Variants in FBXL2 observed in about 807,000 individuals in gnomAD.
FBXL2 encodes the protein F-box and leucine rich repeat protein 2.
In FBXL2, 38 loss-of-function variants were observed where a neutral mutation model predicts 69.2. The observed-to-expected ratio is 0.55, with a 90% CI of 0.42 to 0.72. FBXL2 has a LOEUF of 0.72. Ranked by LOEUF, FBXL2 falls within the 30% of genes least tolerant of loss-of-function variation. The pLI is 0.00. For synonymous variants in FBXL2, 192 were observed against 201.3 expected (o/e 0.95, Z 0.39); for missense variants, 354 against 520.3 (o/e 0.68, Z 3.11).
At chr3:33,398,029 A>G (rs992518892) in intron 12 of FBXL2, 2 of 152,218 alleles carry the variant, frequency 1.3e-5, no homozygotes, top group Non-Finnish European at 2.9e-5. Flanking sequence ...AGTGGAGAGC[A>G]AGACTGACCA....
In FBXL2 at chr3:33,303,055, G is replaced by C. The variant is rs1215453469; in HGVS notation, c.65+5330G>C. ...TGGGTCTCATTGAGTAGGTCTTGTTGCCTGCTGGTTGGTTTCAGCACTCCA... is the reference window on the plus strand; with the variant it reads ...TGGGTCTCATTGAGTAGGTCTTGTTCCCTGCTGGTTGGTTTCAGCACTCCA... On this transcript the variant is annotated intron_variant, in intron 2 of 14. Transcript: ENST00000484457. 6.6e-6 allele frequency: 3 copies of C among 456,484 alleles called. No homozygotes were observed. In the Admixed American group the frequency reaches 7.0e-5, roughly 11 times the overall value. The allele number at this position is 456,484 out of a possible 1,614,324, so 28.3% of individuals were successfully genotyped here.
In FBXL2 at chr3:33,385,632, G is replaced by T; in HGVS notation, c.*24G>T. ...GACAGCAGCTGCCTGGGCCCAAGGG[G>T]TGATGAGGCATCCTTTCCTCTAGAA... On this transcript the variant is annotated 3_prime_UTR_variant, in exon 15 of 15. Transcript: ENST00000484457. The T allele has an allele frequency of 6.3e-7, 1 of 1,583,022 alleles. No individual in the cohort carries two copies. The highest frequency in any genetic ancestry group is 8.7e-7 in the Non-Finnish European group (1 of 1,151,826).
intron 5 of FBXL2, among the ~76,000 whole-genome samples, chr3:33,370,489 G>A (rs1256598839): frequency 6.6e-6 from 1 of 151,802 alleles, no homozygotes; most frequent in Non-Finnish European, 1.5e-5. Context: ...TTTAAGGATG[G>A]TGCTCCTCTG....
intron 12 of FBXL2, among the ~76,000 whole-genome samples, chr3:33,399,702 G>A (rs1414323045): frequency 6.6e-6 from 1 of 152,180 alleles, no homozygotes; most frequent in Non-Finnish European, 1.5e-5. Flanking sequence ...GATCCTTGTA[G>A]TGATGGCACA....
chr3:33,345,181 C>T (rs1260952250), intron 2 of FBXL2, among the ~76,000 whole-genome samples: 1 of 152,190 alleles, frequency 6.6e-6, no homozygotes, highest in Non-Finnish European at 1.5e-5. Flanking sequence ...CATGGTTATG[C>T]CCCCTCTGAA....
At chr3:33,286,508 CTG>C in intron 1 of FBXL2, among the ~76,000 whole-genome samples, 1 of 152,368 alleles carries the variant, frequency 6.6e-6, no homozygotes, top group Middle Eastern at 3.4e-3. Context: ...AGGAGGCAGT[CTG>C]TCTGTTCTCA....
chr3:33,384,111 C>T lies in FBXL2; in HGVS notation c.1074C>T (p.Ala358=). The change falls in exon 14 of 15, where the codon GCC becomes GCT. Residue 358 remains alanine (A), a synonymous_variant. Coordinates refer to ENST00000484457, the MANE Select transcript of FBXL2 (RefSeq NM_012157.5). ...ACTGCCTCCTCATCACTGATGTGGC[C>T]CTGGAACACCTAGAGAACTGCCGAG... is the stretch of plus-strand genomic sequence containing the variant. The part of the protein sequence containing the change: ...LDNCLLITDV[A]LEHLENCRGL... 1 of 1,614,024 alleles carries T rather than the reference C, an allele frequency of 6.2e-7. No individual in the cohort carries two copies. The highest frequency in any genetic ancestry group is 8.5e-7 in the Non-Finnish European group (1 of 1,180,010).
chr3:33,346,294 A>G (rs1300575073), intron 2 of FBXL2, among the ~76,000 whole-genome samples: 1 of 152,182 alleles, frequency 6.6e-6, no homozygotes, highest in African/African-American at 2.4e-5. Context: ...TAGAGGAAAC[A>G]GGGCAATAGA....
At chr3:33,300,449 A>G (rs1208206120) in intron 2 of FBXL2, 3 of 152,148 alleles carry the variant, frequency 2.0e-5, no homozygotes, top group Non-Finnish European at 2.9e-5. Context: ...ACTTTTCAGA[A>G]AGAATTGCCA....
intron 12 of FBXL2, among the ~76,000 whole-genome samples, 190 bp from the exon 13 acceptor site, chr3:33,378,495 G>T (rs991289971): frequency 6.6e-6 from 1 of 152,170 alleles, no homozygotes; most frequent in Non-Finnish European, 1.5e-5. Context: ...GAGAGACAAA[G>T]AACAGTTTTG....
At chr3:33,290,412 A>C (rs762214543) in intron 1 of FBXL2, among the ~76,000 whole-genome samples, 1 of 152,206 alleles carries the variant, frequency 6.6e-6, no homozygotes. Context: ...TATACAAAGA[A>C]ACAAGAAAAT....
chr3:33,392,699 TCAAA>T (rs550854343), downstream of FBXL2: 76 of 1,320,578 alleles, frequency 5.8e-5, no homozygotes, highest in Middle Eastern at 1.9e-4. Flanking sequence ...AATATTCTTC[TCAAA>T]CAAACACAGG....
chr3:33,296,514 A>G (rs187498359), intron 1 of FBXL2, among the ~76,000 whole-genome samples: 149 of 152,220 alleles, frequency 9.8e-4, no homozygotes, highest in African/African-American at 3.6e-3. Context: ...TAGCTCTTAT[A>G]TTTATTTAAG....
chr3:33,372,045 G>A (rs948564867), intron 5 of FBXL2, among the ~76,000 whole-genome samples: 10 of 152,076 alleles, frequency 6.6e-5, no homozygotes, highest in Admixed American at 3.3e-4. Context: ...TTGGGCTTTG[G>A]GTAGTTTCAT....
Position 33,359,010 on chromosome 3 carries a change from C to A in FBXL2, c.109C>A (p.Gln37Lys). Reference protein sequence around the residue: ...LDIVTLCRCAQISKAWNILAL... With the variant: ...LDIVTLCRCAKISKAWNILAL... ...TATAGTAACTTTGTGCCGATGTGCACAGATTTCCAAGGTAGAGTATTCACC... is the reference window on the plus strand; with the variant it reads ...TATAGTAACTTTGTGCCGATGTGCAAAGATTTCCAAGGTAGAGTATTCACC... The change falls in exon 3 of 15, where the codon CAG (glutamine) becomes AAG (lysine). Residue 37 changes from glutamine (Q) to lysine (K), a missense_variant. By Grantham distance (53) the Gln-to-Lys change is moderately conservative (BLOSUM62 1). Coordinates refer to ENST00000484457, the MANE Select transcript of FBXL2 (RefSeq NM_012157.5). 1 of 1,551,542 alleles carries A rather than the reference C, an allele frequency of 6.4e-7. No individual in the cohort carries two copies.
chr3:33,421,576 A>G, the FBXL2 span, among the ~76,000 whole-genome samples: 2 of 152,204 alleles, frequency 1.3e-5, no homozygotes, highest in Non-Finnish European at 2.9e-5. Context: ...AGCCTTAAAC[A>G]CAAATAAGTT....
chr3:33,396,040 C>T, intron 12 of FBXL2: 1 of 847,974 alleles, frequency 1.2e-6, no homozygotes, highest in Non-Finnish European at 1.8e-6. Context: ...TCAAGGCTCC[C>T]ACATGAGCAA....
chr3:33,391,717 C>G (rs1038954136), downstream of FBXL2: 6 of 152,238 alleles, frequency 3.9e-5, no homozygotes, highest in East Asian at 3.8e-4. Context: ...GTGTAAGATA[C>G]CATCACCTTT....
At chr3:33,373,238 T>C (rs558968447) in intron 6 of FBXL2, 22 bp from the exon 7 acceptor site, 19 of 1,613,466 alleles carry the variant, frequency 1.2e-5, no homozygotes, top group East Asian at 2.2e-5. Flanking sequence ...AAAATATCTT[T>C]AGTGCGTCTG....
Sources: allele counts gnomAD v4.1 joint callset (sites outside exome capture counted in the v4.1 genomes callset), GRCh38; gene constraint gnomAD v4.1.1; transcripts MANE v1.5; gene names NCBI Gene and HGNC (gene_info 2026-07-23, HGNC 2026-07-21).